The following UIMC1 variants were observed in gnomAD, a reference collection of about 807,000 sequenced individuals.
UIMC1 encodes the protein ubiquitin interaction motif containing 1.
A neutral mutation model predicts 84.9 loss-of-function variants in UIMC1; 42 were observed. The ratio of observed to expected loss-of-function variants is 0.49; its 90% confidence interval spans 0.39 to 0.64. The LOEUF (loss-of-function observed/expected upper bound fraction) is 0.64. Ranked by LOEUF, UIMC1 falls within the 30% of genes least tolerant of loss-of-function variation. UIMC1 has a pLI of 0.00. For synonymous variants in UIMC1, 281 were observed against 293.0 expected, an observed-to-expected ratio of 0.96 and a Z score of 0.42; for missense variants, 825 against 847.6, an observed-to-expected ratio of 0.97 and a Z score of 0.33.
chr5:177,004,510 T>C (rs1239631703), intron 1 of UIMC1, among the ~76,000 whole-genome samples: 1 of 152,188 alleles, frequency 6.6e-6, no homozygotes, highest in Non-Finnish European at 1.5e-5. Flanking sequence ...CTTCACTTAT[T>C]GAACTAAAGC....
rs1411406689 is a variant in UIMC1 at position 176,982,540 on chromosome 5, T to C, written c.76A>G (p.Ser26Gly). 5.6e-6 allele frequency: 9 copies of C among 1,614,142 alleles called. No homozygotes were observed. The highest frequency in any genetic ancestry group is 2.2e-5 in the East Asian group (1 of 44,880). Reference protein sequence around the residue: ...NLEKKDVETTSSVSVKRKRRL... With the variant: ...NLEKKDVETTGSVSVKRKRRL... ...CGCTTCCTCTTCACACTGACAGAAC[T>C]GGTAGTTTCCACATCCTTCTTCTCC... Residue 26 changes from serine (S) to glycine (G), a missense_variant, in exon 2 of 15, where the codon AGT becomes GGT. By Grantham distance (56) the Ser-to-Gly change is moderately conservative (BLOSUM62 0). Transcript: ENST00000511320.
chr5:176,914,064 T>TACCACACCACACCACACCACACCAC (rs1354938619), intron 10 of UIMC1, among the ~76,000 whole-genome samples: 3 of 122,586 alleles, frequency 2.4e-5, no homozygotes, highest in African/African-American at 1.5e-4. Flanking sequence ...TACCATACCA[T>TACCACACCACACCACACCACACCAC]ACCATACCAC....
intron 10 of UIMC1, among the ~76,000 whole-genome samples, chr5:176,938,256 C>T: frequency 7.2e-6 from 1 of 138,868 alleles, no homozygotes; most frequent in Admixed American, 7.1e-5. Context: ...AAAAAAAAGG[C>T]TTCCTTTTAC....
Position 176,969,598 on chromosome 5 carries a change from T to G in UIMC1, c.463+3A>C. On this transcript the variant is annotated splice_donor_region_variant and intron_variant, in intron 5 of 14. Transcript: ENST00000511320. ...TGGAAGGAGTCAGAACAGGGAGACA[T>G]GCCTTCAGTGAGCCCAGAGTCTGTG... is the stretch of plus-strand genomic sequence containing the variant. 1 of 1,613,816 alleles carries G rather than the reference T, an allele frequency of 6.2e-7. No homozygotes were observed. The highest frequency in any genetic ancestry group is 8.5e-7 in the Non-Finnish European group (1 of 1,179,738).
chr5:176,952,251 T>C (rs1765981367), intron 8 of UIMC1, among the ~76,000 whole-genome samples: 1 of 152,216 alleles, frequency 6.6e-6, no homozygotes, highest in African/African-American at 2.4e-5. Flanking sequence ...AAGAGATGAT[T>C]AGCAAAAACA....
At chr5:176,922,900 TGAAA>T (rs1302645349) in intron 10 of UIMC1, among the ~76,000 whole-genome samples, 1 of 152,220 alleles carries the variant, frequency 6.6e-6, no homozygotes, top group East Asian at 1.9e-4. Flanking sequence ...TCTCTAAGCT[TGAAA>T]GAAAATCGCT....
intron 10 of UIMC1, among the ~76,000 whole-genome samples, chr5:176,918,313 A>G (rs1761274062): frequency 1.3e-5 from 2 of 152,238 alleles, no homozygotes; most frequent in South Asian, 2.1e-4. Context: ...TGATCCATCC[A>G]GTACTCCAGC....
intron 8 of UIMC1, among the ~76,000 whole-genome samples, chr5:176,952,997 C>T (rs1309032883): frequency 6.6e-6 from 1 of 152,094 alleles, no homozygotes; most frequent in Non-Finnish European, 1.5e-5. Context: ...GAAATGTGAC[C>T]TTTGGAAGGT....
chr5:176,914,480 T>A (rs746681379), intron 10 of UIMC1, among the ~76,000 whole-genome samples: 1 of 152,154 alleles, frequency 6.6e-6, no homozygotes. Context: ...TGCAAGTAAT[T>A]TGGGGAGATA....
At chr5:177,000,305 TA>T (rs1774258548) in intron 1 of UIMC1, among the ~76,000 whole-genome samples, 2 of 152,026 alleles carry the variant, frequency 1.3e-5, no homozygotes, top group Admixed American at 1.3e-4. Context: ...GTGCTGGTAC[TA>T]GTTTACATTC....
intron 9 of UIMC1, among the ~76,000 whole-genome samples, chr5:176,950,947 T>A (rs1765811593): frequency 6.6e-6 from 1 of 151,944 alleles, no homozygotes; most frequent in Non-Finnish European, 1.5e-5. Flanking sequence ...CAATCAGCTT[T>A]ATGGTTACTG....
intron 10 of UIMC1, among the ~76,000 whole-genome samples, chr5:176,932,247 T>C (rs1303407807): frequency 6.6e-6 from 1 of 152,236 alleles, no homozygotes; most frequent in Non-Finnish European, 1.5e-5. Context: ...TGATAAGACC[T>C]AGTGCCCAGA....
intron 10 of UIMC1, among the ~76,000 whole-genome samples, chr5:176,930,479 C>T (rs577842581): frequency 1.3e-5 from 2 of 152,286 alleles, no homozygotes; most frequent in African/African-American, 4.8e-5. Context: ...GTTCAGCTTC[C>T]TCTTTTATAA....
At chr5:176,978,618 C>T (rs1419756303) in intron 2 of UIMC1, among the ~76,000 whole-genome samples, 1 of 151,770 alleles carries the variant, frequency 6.6e-6, no homozygotes, top group East Asian at 1.9e-4. Flanking sequence ...TGCAAAACTC[C>T]TAAATAATAT....
chr5:176,931,978 A>G (rs1561766899), intron 10 of UIMC1, among the ~76,000 whole-genome samples: 1 of 152,176 alleles, frequency 6.6e-6, no homozygotes, highest in Non-Finnish European at 1.5e-5. Context: ...ATCTCTAAAA[A>G]ACAAACAAAC....
intron 1 of UIMC1, among the ~76,000 whole-genome samples, chr5:177,015,466 C>T (rs1775650328): frequency 6.6e-6 from 1 of 152,196 alleles, no homozygotes; most frequent in Non-Finnish European, 1.5e-5. Flanking sequence ...TCTGGACATA[C>T]ATCCCTCCAG....
intron 3 of UIMC1, 128 bp downstream of exon 3, chr5:176,975,268 T>C (rs1343206622): frequency 2.2e-6 from 2 of 898,634 alleles, no homozygotes; most frequent in Non-Finnish European, 3.3e-6. Context: ...CAACAAAAAC[T>C]GATAAATTCA....
intron 1 of UIMC1, chr5:177,001,519 G>T (rs1176438858): frequency 1.3e-5 from 2 of 152,022 alleles, no homozygotes; most frequent in African/African-American, 4.8e-5. Context: ...AGCACAGAAC[G>T]TTATCTTAGG....
At chr5:177,021,513 G>C (rs181762695) in intron 1 of UIMC1, among the ~76,000 whole-genome samples, 12 of 152,222 alleles carry the variant, frequency 7.9e-5, no homozygotes, top group African/African-American at 2.4e-4. Flanking sequence ...GAGCCATGAA[G>C]ATATATGAGA....
Sources: gnomAD v4.1 joint callset for allele counts (sites outside exome capture counted in the v4.1 genomes callset) on GRCh38, gnomAD v4.1.1 for gene constraint, MANE v1.5 for transcripts, NCBI Gene and HGNC (gene_info 2026-07-23, HGNC 2026-07-21) for gene names.